Variants in DAPK1 observed in about 807,000 individuals in gnomAD.
DAPK1 encodes the protein death-associated protein kinase 1.
A neutral mutation model predicts 144.9 loss-of-function variants in DAPK1; 56 were observed. The ratio of observed to expected loss-of-function variants is 0.39; its 90% confidence interval spans 0.31 to 0.48. The LOEUF (loss-of-function observed/expected upper bound fraction) is 0.48, where lower values mean the gene tolerates loss of function less well. Among genes scored for constraint, DAPK1 ranks in the 20% least tolerant of loss-of-function variants. DAPK1 has a pLI of 0.95. For synonymous variants in DAPK1, 690 were observed against 749.0 expected, an observed-to-expected ratio of 0.92 and a Z score of 1.29; for missense variants, 1,454 against 1,875.4, an observed-to-expected ratio of 0.78 and a Z score of 4.15.
At chr9:87,516,691 C>T (rs555215209) in intron 2 of DAPK1, among the ~76,000 whole-genome samples, 1 of 152,146 alleles carries the variant, frequency 6.6e-6, no homozygotes, top group South Asian at 2.1e-4. Flanking sequence ...GCCCACATGG[C>T]TTAATTAGCT....
intron 3 of DAPK1, among the ~76,000 whole-genome samples, chr9:87,622,989 G>A (rs748327853): frequency 1.2e-4 from 19 of 152,240 alleles, no homozygotes; most frequent in Admixed American, 2.6e-4. Context: ...TTGAAAATCC[G>A]CGCCTCAGCA....
Position 87,499,001 on chromosome 9 carries a change from AG to A in DAPK1, c.-75del. 4 of 1,167,094 alleles carry A rather than the reference AG, an allele frequency of 3.4e-6. No homozygotes were observed. The highest frequency in any genetic ancestry group is 5.2e-6 in the Non-Finnish European group (4 of 776,204). The allele number at this position is 1,167,094 out of a possible 1,614,324, so 72.3% of individuals were successfully genotyped here. ...AGACTGATGCATGAGGGGGCTACGGAGGCGCAGGAGCGGTGGTGATGGTCTG... is the reference window on the plus strand; with the variant it reads ...AGACTGATGCATGAGGGGGCTACGGAGCGCAGGAGCGGTGGTGATGGTCTG... On this transcript the variant is annotated 5_prime_UTR_variant, in exon 2 of 26. It removes the in-frame stop codon of an upstream open reading frame in the 5' UTR. Transcript: ENST00000408954.
intron 2 of DAPK1, among the ~76,000 whole-genome samples, chr9:87,505,631 G>A (rs558898479): frequency 1.9e-4 from 29 of 151,798 alleles, no homozygotes; most frequent in African/African-American, 7.0e-4. Context: ...TCCTGACCTC[G>A]TGAGTCACCC....
rs1190531941 is a variant in DAPK1, at chr9:87,686,172, A to G, written c.2225-379A>G. On this transcript the variant is annotated intron_variant, in intron 20 of 25. Transcript: ENST00000408954. This position sits in a 1 kb window ranked among gnomAD's most constrained non-coding sequence, Gnocchi z 4.2. ...CTGGAGGAAGACAGAGACTGCGAGT[A>G]TCAGCAAAGTAGCAGGAAGTGAGAA... is the stretch of plus-strand genomic sequence containing the variant. Among the ~76,000 whole-genome samples the G allele has an allele frequency of 1.3e-5, 2 of 152,228 alleles. No individual in the cohort carries two copies. Among genetic ancestry groups the G allele is most frequent in the African/African-American group, 2.4e-5 (1 of 41,458 alleles).
At chr9:87,596,979 C>T (rs36206535) in intron 2 of DAPK1, among the ~76,000 whole-genome samples, 77 of 152,200 alleles carry the variant, frequency 5.1e-4, no homozygotes, top group East Asian at 4.1e-3. Flanking sequence ...ATGTCCATGA[C>T]GGCTCACGCA....
intron 2 of DAPK1, among the ~76,000 whole-genome samples, chr9:87,563,523 C>T (rs1464114361): frequency 6.6e-6 from 1 of 152,210 alleles, no homozygotes; most frequent in African/African-American, 2.4e-5. Context: ...GTGGCTTGCT[C>T]TGCCCAGCAG....
chr9:87,615,490 C>A (rs192821350), intron 3 of DAPK1, among the ~76,000 whole-genome samples: 3 of 152,186 alleles, frequency 2.0e-5, no homozygotes, highest in East Asian at 3.9e-4. Flanking sequence ...CTTCCCTGGA[C>A]GACAGAAGTG....
rs200758451 is a variant in DAPK1 at position 87,648,829 on chromosome 9, G to A, written c.1378G>A (p.Val460Met). The A allele has an allele frequency of 1.1e-5, 18 of 1,614,126 alleles. No individual in the cohort carries two copies. Among genetic ancestry groups the A allele is most frequent in the Admixed American group, 1.0e-4 (6 of 60,010 alleles). The change falls in exon 15 of 26, where the codon GTG becomes ATG. Residue 460 changes from valine to methionine, a missense_variant. This residue lies in a region of DAPK1 where 429 missense variants were observed against 637.5 expected (regional missense o/e 0.67). Coordinates refer to ENST00000408954, the MANE Select transcript of DAPK1 (RefSeq NM_004938.4). ...GGCAGCTCGCTATGGCCATGCTGACGTGGCTCAGTTACTGTGCAGCTTCGG... is the reference window on the plus strand; with the variant it reads ...GGCAGCTCGCTATGGCCATGCTGACATGGCTCAGTTACTGTGCAGCTTCGG... ...HVAARYGHAD[V>M]AQLLCSFGSN...
At chr9:87,611,173 TAAAA>T (rs747082054) in intron 3 of DAPK1, among the ~76,000 whole-genome samples, 2 of 152,004 alleles carry the variant, frequency 1.3e-5, no homozygotes, top group South Asian at 4.1e-4. Context: ...ATGATTTTTT[TAAAA>T]AATATACAGT....
chr9:87,499,160 G>T (rs1200182046), intron 2 of DAPK1, 21 bp downstream of exon 2: 1 of 1,606,224 alleles, frequency 6.2e-7, no homozygotes, highest in South Asian at 1.1e-5. Flanking sequence ...TACCAGAAGC[G>T]TACCCTCCTG....
intron 2 of DAPK1, among the ~76,000 whole-genome samples, chr9:87,528,071 A>G (rs1297463654): frequency 2.0e-5 from 3 of 152,248 alleles, no homozygotes; most frequent in Non-Finnish European, 4.4e-5. Context: ...TTGCACTGAC[A>G]CTGATACTAA....
At chr9:87,543,086 ATGT>A (rs778972047) in intron 2 of DAPK1, among the ~76,000 whole-genome samples, 2 of 152,252 alleles carry the variant, frequency 1.3e-5, no homozygotes, top group Non-Finnish European at 2.9e-5. Flanking sequence ...AATATGGGAC[ATGT>A]TGTATAGAGC....
chr9:87,509,466 T>C (rs1466188083), intron 2 of DAPK1, among the ~76,000 whole-genome samples: 1 of 152,148 alleles, frequency 6.6e-6, no homozygotes, highest in Non-Finnish European at 1.5e-5. Context: ...GTTCAAGCGA[T>C]TCTCCTGCCT....
At chr9:87,559,303 G>A (rs1826824735) in intron 2 of DAPK1, among the ~76,000 whole-genome samples, 1 of 151,910 alleles carries the variant, frequency 6.6e-6, no homozygotes, top group African/African-American at 2.4e-5. Flanking sequence ...GGCTAGGGTA[G>A]GCTAGGCTAG....
intron 2 of DAPK1, among the ~76,000 whole-genome samples, chr9:87,601,509 C>CTT (rs201923755): frequency 2.7e-5 from 4 of 145,482 alleles, no homozygotes; most frequent in East Asian, 2.0e-4. Flanking sequence ...CTGTCATGGG[C>CTT]TTTTTTTTTT....
chr9:87,696,168 GAC>G (rs3031550), intron 21 of DAPK1, among the ~76,000 whole-genome samples: 1 of 150,902 alleles, frequency 6.6e-6, no homozygotes, highest in Non-Finnish European at 1.5e-5. Context: ...TATGTATACA[GAC>G]ACACACACAC....
Position 87,604,805 on chromosome 9 carries a change from TAAG to T in DAPK1, c.63-146_63-144del. The T allele has an allele frequency of 7.8e-6, 5 of 643,448 alleles. No individual in the cohort carries two copies. In the South Asian group the frequency reaches 7.9e-5, roughly 10 times the overall value. 39.9% of individuals were successfully genotyped at this position (643,448 alleles called of 1,614,324 possible). ...CAGGCTTAGTGTAAATGAATGATGA[TAAG>T]AAACATCCCTACCTAATTTGTTACT... On this transcript the variant is annotated intron_variant, in intron 2 of 25. Coordinates refer to ENST00000408954, the MANE Select transcript of DAPK1 (RefSeq NM_004938.4).
In DAPK1 at chr9:87,708,505, G is replaced by GTATATA; in HGVS notation, c.*1149_*1154dup. Reference sequence around the variant, plus strand: ...ATGTAATGTTAATGTTATATCATATGTATATATATATATGCACTATGTATA... The same window carrying GTATATA: ...ATGTAATGTTAATGTTATATCATATGTATATATATATATATATATGCACTATGTATA... On this transcript the variant is annotated 3_prime_UTR_variant, in exon 26 of 26. Coordinates refer to ENST00000408954, the MANE Select transcript of DAPK1 (RefSeq NM_004938.4). 6.6e-6 allele frequency: 1 copy of GTATATA among 151,654 alleles called. No individual in the cohort carries two copies. Among genetic ancestry groups the GTATATA allele is most frequent in the South Asian group, 2.1e-4 (1 of 4,790 alleles). 9.4% of individuals were successfully genotyped at this position (151,654 alleles called of 1,614,324 possible). A position where few individuals can be genotyped will look rare whatever the true frequency, so the allele number is the denominator to read the frequency against.
chr9:87,519,148 C>T (rs570827992), intron 2 of DAPK1, among the ~76,000 whole-genome samples: 5 of 152,128 alleles, frequency 3.3e-5, no homozygotes, highest in East Asian at 3.9e-4. Context: ...GCTCTGGGCC[C>T]GGCCGATGCC....
Sources: allele counts gnomAD v4.1 joint callset (sites outside exome capture counted in the v4.1 genomes callset), GRCh38; gene constraint gnomAD v4.1.1; regional missense constraint gnomAD v4.1.1; non-coding constraint Gnocchi (gnomAD v3.1); transcripts MANE v1.5; gene names NCBI Gene and HGNC (gene_info 2026-07-23, HGNC 2026-07-21).